The following GALNT9 variants were observed in gnomAD, a reference collection of about 807,000 sequenced individuals.
The protein encoded by GALNT9 is polypeptide N-acetylgalactosaminyltransferase 9, also known as GalNAc transferase 9.
In GALNT9, 47 loss-of-function variants were observed where a neutral mutation model predicts 63.1. The observed-to-expected ratio is 0.75, with a 90% CI of 0.59 to 0.95. The LOEUF (loss-of-function observed/expected upper bound fraction) is 0.95. Ranked by LOEUF, GALNT9 falls within the 40% of genes least tolerant of loss-of-function variation. GALNT9 has a pLI of 0.00. For synonymous variants in GALNT9, 396 were observed against 365.7 expected (o/e 1.08, Z -0.94); for missense variants, 829 against 874.8 (o/e 0.95, Z 0.66).
chr12:132,226,931 C>G (rs1814694018), intron 6 of GALNT9, among the ~76,000 whole-genome samples: 1 of 146,912 alleles, frequency 6.8e-6, no homozygotes, highest in East Asian at 2.1e-4. Flanking sequence ...ACCCCACACA[C>G]TGTACACACC....
Position 132,286,378 on chromosome 12 carries a change from A to G in GALNT9, c.291T>C (p.Gly97=), listed in dbSNP as rs782028845. ...LVEGPGGLGQ[G]GLAATLRDDG... ...CATCACGCAGGGTGGCCGCCAAGCCACCCTGGCCCAGGCCTCCTGGCCCCT... is the reference window on the plus strand; with the variant it reads ...CATCACGCAGGGTGGCCGCCAAGCCGCCCTGGCCCAGGCCTCCTGGCCCCT... The change falls in exon 2 of 11, where the codon GGT becomes GGC. Residue 97 remains glycine (G), a synonymous_variant. Coordinates refer to ENST00000328957, the MANE Select transcript of GALNT9 (RefSeq NM_001122636.2). This position sits in a 1 kb window ranked among gnomAD's most constrained non-coding sequence, Gnocchi z 7.4. 1 of 1,549,882 alleles carries G rather than the reference A, an allele frequency of 6.5e-7. No individual in the cohort carries two copies. The highest frequency in any genetic ancestry group is 2.0e-5 in the Admixed American group (1 of 50,938).
chr12:132,198,341 G>A (rs952930363), intron 9 of GALNT9, among the ~76,000 whole-genome samples: 1 of 152,208 alleles, frequency 6.6e-6, no homozygotes, highest in Non-Finnish European at 1.5e-5. Flanking sequence ...TTCCCGTGGG[G>A]TTAGAAACGT....
chr12:132,319,110 G>A lies in GALNT9; in HGVS notation c.238+9856C>T, dbSNP rs1868661575. ...CTGCAGCGTGCGTGCCTTCATGTGA[G>A]GTGTGCTCCCCATGGTTGAAGCTAG... On this transcript the variant is annotated intron_variant, in intron 1 of 10. Coordinates refer to ENST00000328957, the MANE Select transcript of GALNT9 (RefSeq NM_001122636.2). This position sits in a 1 kb window ranked among gnomAD's most constrained non-coding sequence, Gnocchi z 5.2. Among the ~76,000 whole-genome samples, 4 of 152,220 alleles carry A rather than the reference G, an allele frequency of 2.6e-5. No individual in the cohort carries two copies. The highest frequency in any genetic ancestry group is 2.6e-4 in the Admixed American group (4 of 15,284).
rs185151940 is a variant in GALNT9, at chr12:132,305,494, G to A, written c.239-19064C>T. Among the ~76,000 whole-genome samples, 17 of 16,382 alleles carry A rather than the reference G, an allele frequency of 1.0e-3. 2 individuals are homozygous for A. The East Asian group carries it at 0.025, about 24-fold the overall frequency. 10.7% of individuals were successfully genotyped at this position (16,382 alleles called of 152,430 possible). A position where few individuals can be genotyped will look rare whatever the true frequency, so the allele number is the denominator to read the frequency against. ...ACCCTCACCCGGGCACACCCTCACC[G>A]GGGCACACCCTCACCCGGGCACAGC... On this transcript the variant is annotated intron_variant, in intron 1 of 10. Transcript: ENST00000328957.
chr12:132,287,791 C>T (rs1880662532), intron 1 of GALNT9, among the ~76,000 whole-genome samples: 1 of 151,944 alleles, frequency 6.6e-6, no homozygotes, highest in African/African-American at 2.4e-5. Context: ...CTCAGTTGTG[C>T]TGGGCAAGCA....
At chr12:132,305,765 G>GC (rs1881585462) in intron 1 of GALNT9, among the ~76,000 whole-genome samples, 1 of 152,216 alleles carries the variant, frequency 6.6e-6, no homozygotes, top group South Asian at 2.1e-4. Context: ...GTCTCAGTGG[G>GC]CCCTGAGAGG....
At chr12:132,298,101 A>G (rs1473660454) in intron 1 of GALNT9, among the ~76,000 whole-genome samples, 3 of 152,136 alleles carry the variant, frequency 2.0e-5, no homozygotes, top group African/African-American at 7.2e-5. Flanking sequence ...TCCTGAGATA[A>G]CCAAGTCATT....
At chr12:132,328,186 G>A (rs1265022448) in intron 1 of GALNT9, among the ~76,000 whole-genome samples, 6 of 152,178 alleles carry the variant, frequency 3.9e-5, no homozygotes, top group Admixed American at 1.3e-4. Context: ...AGCTGTGGCC[G>A]CTGGCCCTGA....
rs1418641377 is a variant in GALNT9 at position 132,329,526 on chromosome 12, G to C, written c.-323C>G. ...GGCGGGGAAGGCGCGGGCGGGCGGC[G>C]CTCGGTGTCTGTGCCGGCTCCTGTC... On this transcript the variant is annotated 5_prime_UTR_variant, in exon 1 of 11. Coordinates refer to ENST00000328957, the MANE Select transcript of GALNT9 (RefSeq NM_001122636.2). Among the ~76,000 whole-genome samples, 1 of 147,100 alleles carries C rather than the reference G, an allele frequency of 6.8e-6. No homozygotes were observed. Among genetic ancestry groups the C allele is most frequent in the Non-Finnish European group, 1.5e-5 (1 of 66,000 alleles).
intron 8 of GALNT9, among the ~76,000 whole-genome samples, chr12:132,200,047 G>C (rs960606358): frequency 2.6e-4 from 39 of 152,226 alleles, no homozygotes; most frequent in African/African-American, 8.7e-4. Flanking sequence ...TGAGGATGGA[G>C]TGGGCAGAGT....
rs940394535 is a variant in GALNT9, at chr12:132,265,125, C to T, written c.420-2500G>A. On this transcript the variant is annotated intron_variant, in intron 2 of 10. Coordinates refer to ENST00000328957, the MANE Select transcript of GALNT9 (RefSeq NM_001122636.2). The surrounding 1 kb of genome is among the most constrained non-coding windows in gnomAD (Gnocchi z 5.3). The stretch of plus-strand genomic sequence containing the variant: ...ATCTCGCTTTTCTGCAAGGCTCAAC[C>T]CAGCCCCAAGAAAAAGATAAAGGAG... Among the ~76,000 whole-genome samples the T allele has an allele frequency of 6.6e-6, 1 of 152,194 alleles. No homozygotes were observed. Among genetic ancestry groups the T allele is most frequent in the Admixed American group, 6.5e-5 (1 of 15,284 alleles).
chr12:132,203,402 A>C (rs1262608792), intron 7 of GALNT9, 103 bp downstream of exon 7: 2 of 1,042,216 alleles, frequency 1.9e-6, no homozygotes, highest in East Asian at 2.6e-5. Flanking sequence ...ACCCACTCAC[A>C]CCTGCAGGGG....
rs1316808708 is a variant in GALNT9, at chr12:132,247,511, G to C, written c.1077+399C>G. The C allele has an allele frequency of 2.3e-5, 10 of 436,270 alleles. No individual in the cohort carries two copies. The Admixed American group carries it at 2.5e-4, about 11-fold the overall frequency. 27.0% of individuals were successfully genotyped at this position (436,270 alleles called of 1,614,324 possible). On this transcript the variant is annotated intron_variant, in intron 6 of 10. Coordinates refer to ENST00000328957, the MANE Select transcript of GALNT9 (RefSeq NM_001122636.2). ...CTTGGCTTCCAGCTGCCTCAGCCTA[G>C]GCTCTGGAGAGGGCTCAGTGCGCTG...
intron 2 of GALNT9, among the ~76,000 whole-genome samples, chr12:132,266,219 C>G (rs1185882827): frequency 6.6e-6 from 1 of 152,202 alleles, no homozygotes; most frequent in African/African-American, 2.4e-5. Flanking sequence ...CCTTTACACG[C>G]CTGACCTCAC....
chr12:132,271,064 C>T (rs1242652109), intron 2 of GALNT9, among the ~76,000 whole-genome samples: 1 of 152,184 alleles, frequency 6.6e-6, no homozygotes, highest in Non-Finnish European at 1.5e-5. Flanking sequence ...CCGCCGTCCG[C>T]TGCTTCTCCA....
In GALNT9 at chr12:132,291,785, C is replaced by A. The variant is rs562379277; in HGVS notation, c.239-5355G>T. On this transcript the variant is annotated intron_variant, in intron 1 of 10. Coordinates refer to ENST00000328957, the MANE Select transcript of GALNT9 (RefSeq NM_001122636.2). The stretch of plus-strand genomic sequence containing the variant: ...AGATGCGCTCAGTCCTTTCCTCCCC[C>A]CTGCTTCCCCATCCCCTCCTGTCCC... 4.6e-5 allele frequency among the ~76,000 whole-genome samples: 7 copies of A among 152,366 alleles called. No individual in the cohort carries two copies. In the East Asian group the frequency reaches 1.3e-3, roughly 29 times the overall value.
At chr12:132,226,080 C>T (rs976427939) in intron 6 of GALNT9, among the ~76,000 whole-genome samples, 7 of 142,978 alleles carry the variant, frequency 4.9e-5, no homozygotes, top group South Asian at 2.3e-4. Flanking sequence ...ACATCCCACA[C>T]GCATACACCC....
chr12:132,231,159 T>G (rs1290581485), intron 6 of GALNT9, among the ~76,000 whole-genome samples: 3 of 74,058 alleles, frequency 4.1e-5, no homozygotes, highest in African/African-American at 2.4e-4. Context: ...GTGGAGCCCC[T>G]AGTGCCACAC....
At chr12:132,240,771 T>A (rs2136899462) in intron 6 of GALNT9, 2 of 454,626 alleles carry the variant, frequency 4.4e-6, no homozygotes, top group Admixed American at 2.4e-5. Flanking sequence ...AATTGGAATG[T>A]GCAGTATGAT....
Sources: allele counts gnomAD v4.1 joint callset (sites outside exome capture counted in the v4.1 genomes callset), GRCh38; gene constraint gnomAD v4.1.1; non-coding constraint Gnocchi (gnomAD v3.1); transcripts MANE v1.5; gene names NCBI Gene and HGNC (gene_info 2026-07-23, HGNC 2026-07-21).